The following ELP4 variants were observed in gnomAD, a reference collection of about 807,000 sequenced individuals.
ELP4 encodes elongator complex protein 4.
ELP4 carries 51 observed loss-of-function variants against 48.9 expected under a neutral mutation model. That is an observed-to-expected ratio of 1.04 (90% CI 0.83 to 1.32). ELP4 has a LOEUF of 1.32. ELP4 is among the 40% of genes most tolerant of loss of function. The pLI, the probability that ELP4 is intolerant of heterozygous loss-of-function variation, is 0.00. For synonymous variants in ELP4, 210 were observed against 189.2 expected (o/e 1.11, Z -0.90); for missense variants, 519 against 514.6 (o/e 1.01, Z -0.08).
intron 2 of ELP4, among the ~76,000 whole-genome samples, chr11:31,537,554 G>C (rs1310199571): frequency 6.6e-6 from 1 of 152,202 alleles, no homozygotes. Flanking sequence ...ATTGGCTCAT[G>C]GTTCTGCAGG....
chr11:31,745,625 A>T (rs1484843829), intron 9 of ELP4, among the ~76,000 whole-genome samples: 2 of 152,356 alleles, frequency 1.3e-5, no homozygotes, highest in East Asian at 1.9e-4. Flanking sequence ...AATCTGACAA[A>T]AACAAGCAAT....
At chr11:31,609,057 G>T (rs1301740776) in intron 5 of ELP4, among the ~76,000 whole-genome samples, 1 of 152,122 alleles carries the variant, frequency 6.6e-6, no homozygotes, top group Non-Finnish European at 1.5e-5. Flanking sequence ...TGGTTGTTAA[G>T]AGGACAATCA....
intron 9 of ELP4, among the ~76,000 whole-genome samples, chr11:31,773,476 A>G (rs1295654959): frequency 6.6e-6 from 1 of 152,166 alleles, no homozygotes; most frequent in Non-Finnish European, 1.5e-5. Context: ...TTAATTGAAC[A>G]CATGTATGGG....
At chr11:31,703,864 A>G (rs73475672) in intron 9 of ELP4, among the ~76,000 whole-genome samples, 164 of 152,334 alleles carry the variant, frequency 1.1e-3, no homozygotes, top group African/African-American at 3.5e-3. Context: ...GGCCAAGAAT[A>G]TGGCAGAAAA....
intron 3 of ELP4, among the ~76,000 whole-genome samples, chr11:31,572,112 C>G (rs1319126261): frequency 6.6e-6 from 1 of 152,192 alleles, no homozygotes; most frequent in Non-Finnish European, 1.5e-5. Context: ...CAATAGAAGG[C>G]AGTGTCATCT....
intron 5 of ELP4, among the ~76,000 whole-genome samples, chr11:31,618,699 A>G (rs1399512336): frequency 1.3e-5 from 2 of 152,132 alleles, no homozygotes; most frequent in African/African-American, 4.8e-5. Flanking sequence ...AGAGAGGCAG[A>G]AAGTACATTA....
At chr11:31,702,330 T>C (rs1203504205) in intron 9 of ELP4, among the ~76,000 whole-genome samples, 2 of 82 alleles carry the variant, frequency 0.024, no homozygotes, top group African/African-American at 0.029. Flanking sequence ...ACAATAACAA[T>C]AATAATAATA....
At chr11:31,562,299 A>G (rs1223976209) in intron 3 of ELP4, among the ~76,000 whole-genome samples, 2 of 152,154 alleles carry the variant, frequency 1.3e-5, no homozygotes, top group East Asian at 3.9e-4. Context: ...TCTTAGTGTA[A>G]TCCTTTCATT....
At chr11:31,748,129 T>A (rs1197357712) in intron 9 of ELP4, among the ~76,000 whole-genome samples, 1 of 152,228 alleles carries the variant, frequency 6.6e-6, no homozygotes, top group Non-Finnish European at 1.5e-5. Flanking sequence ...ATTGTTTCCT[T>A]TTTCTGCAAT....
chr11:31,675,205 G>C (rs1456045883), intron 9 of ELP4, among the ~76,000 whole-genome samples: 1 of 152,094 alleles, frequency 6.6e-6, no homozygotes, highest in Non-Finnish European at 1.5e-5. Context: ...AGATTGAATG[G>C]GCAGAATTGT....
chr11:31,733,933 C>T (rs898374674), intron 9 of ELP4, among the ~76,000 whole-genome samples: 5 of 152,172 alleles, frequency 3.3e-5, no homozygotes, highest in Non-Finnish European at 5.9e-5. Context: ...CTGTAGGCCA[C>T]TATCTGTGAT....
At chr11:31,626,833 A>AG (rs1944754632) in intron 5 of ELP4, among the ~76,000 whole-genome samples, 1 of 151,768 alleles carries the variant, frequency 6.6e-6, no homozygotes. Context: ...ATTTTCTTGG[A>AG]GGTAACTAAG....
chr11:31,723,477 C>A (rs1397283785), intron 9 of ELP4, among the ~76,000 whole-genome samples: 1 of 152,138 alleles, frequency 6.6e-6, no homozygotes, highest in Admixed American at 6.5e-5. Context: ...AAACACAGGA[C>A]CCTTCGAAGC....
At chr11:31,598,426 C>CT (rs1957716623) in intron 4 of ELP4, among the ~76,000 whole-genome samples, 1 of 148,666 alleles carries the variant, frequency 6.7e-6, no homozygotes, top group African/African-American at 2.5e-5. Context: ...CTGCCATTGG[C>CT]TTTGTTACCT....
At chr11:31,690,066 T>C (rs1029457672) in intron 9 of ELP4, among the ~76,000 whole-genome samples, 2 of 152,200 alleles carry the variant, frequency 1.3e-5, no homozygotes, top group Non-Finnish European at 2.9e-5. Flanking sequence ...ATTATCTCAC[T>C]TAATCCTTAG....
chr11:31,714,119 A>G (rs915447573), intron 9 of ELP4, among the ~76,000 whole-genome samples: 4 of 152,134 alleles, frequency 2.6e-5, no homozygotes, highest in African/African-American at 7.2e-5. Flanking sequence ...TTCATTTTGG[A>G]TGTAAAACTG....
chr11:31,782,993 G>T (rs1948413688), intron 9 of ELP4, among the ~76,000 whole-genome samples: 1 of 152,186 alleles, frequency 6.6e-6, no homozygotes, highest in South Asian at 2.1e-4. Flanking sequence ...AAAATTGCAT[G>T]TTGGAGCTCT....
intron 9 of ELP4, among the ~76,000 whole-genome samples, chr11:31,665,655 C>CTTTTTTTTTT (rs71060496): frequency 1.3e-5 from 1 of 79,682 alleles, no homozygotes; most frequent in African/African-American, 4.2e-5. Context: ...GTCTCTCTTC[C>CTTTTTTTTTT]TTTTTTTTTT....
rs1055448693 is a variant in ELP4 at position 31,545,883 on chromosome 11, G to T, written c.381+6100G>T. Among the ~76,000 whole-genome samples, 142 of 152,118 alleles carry T rather than the reference G, an allele frequency of 9.3e-4. 1 individual carries two copies. Among genetic ancestry groups the T allele is most frequent in the Non-Finnish European group, 1.7e-3 (117 of 68,010 alleles). On this transcript the variant is annotated intron_variant, in intron 3 of 9. Transcript: ENST00000640961. ...CCCAGAATTTCATATCCAGCCAAAT[G>T]AAGCTTCATAAGTGAAGGAGAAATA...
Sources: allele counts gnomAD v4.1 joint callset (sites outside exome capture counted in the v4.1 genomes callset), GRCh38; gene constraint gnomAD v4.1.1; transcripts MANE v1.5; gene names NCBI Gene and HGNC (gene_info 2026-07-23, HGNC 2026-07-21).